PAF1: variants seen among roughly 807,000 people sequenced by gnomAD.
PAF1 encodes the protein RNA polymerase II-associated factor 1 homolog.
In PAF1, 31 loss-of-function variants were observed where a neutral mutation model predicts 68.4. That is an observed-to-expected ratio of 0.45 (90% CI 0.34 to 0.61). The LOEUF (loss-of-function observed/expected upper bound fraction) is 0.61, where lower values mean the gene tolerates loss of function less well. Among genes scored for constraint, PAF1 ranks in the 20% least tolerant of loss-of-function variants. PAF1 has a pLI of 0.01. For missense variants in PAF1, 435 were observed against 692.9 expected (o/e 0.63, Z 4.18); for synonymous variants, 256 against 240.5 (o/e 1.06, Z -0.60).
At position 39,389,020 on chromosome 19, in the gene PAF1, T is replaced by C; in HGVS notation, c.568-5A>G. On this transcript the variant is annotated splice_region_variant and splice_polypyrimidine_tract_variant and intron_variant, in intron 7 of 13. Transcript: ENST00000221265. This position sits in a 1 kb window ranked among gnomAD's most constrained non-coding sequence, Gnocchi z 5.3. ...TTTGCTGTAATGCTGTGAGATCTGG[T>C]GGAACAAAAACAAGGTGAGGAGGAG... 6.2e-7 allele frequency: 1 copy of C among 1,614,062 alleles called. No homozygotes were observed. Among genetic ancestry groups the C allele is most frequent in the Non-Finnish European group, 8.5e-7 (1 of 1,179,956 alleles).
rs898039397 is a variant in PAF1, at chr19:39,388,198, A to G, written c.986+141T>C. The G allele has an allele frequency of 7.2e-5, 58 of 802,706 alleles. No homozygotes were observed. The African/African-American group carries it at 9.0e-4, about 12-fold the overall frequency. 49.7% of individuals were successfully genotyped at this position (802,706 alleles called of 1,614,324 possible). A position where few individuals can be genotyped will look rare whatever the true frequency, so the allele number is the denominator to read the frequency against. The stretch of plus-strand genomic sequence containing the variant: ...TTAGAACCAAGTCCAGCTCATGTGC[A>G]TGACCAGACATCTGCTGCTCTTGTT... On this transcript the variant is annotated intron_variant, in intron 11 of 13. Transcript: ENST00000221265.
In PAF1 at chr19:39,389,256, T is replaced by G; in HGVS notation, c.461+26A>C. ...CTGGACACACCTAATATCTCCACCT[T>G]CCCTCTCTTCCTGTTAGTAACTTAC... On this transcript the variant is annotated intron_variant, in intron 6 of 13. Transcript: ENST00000221265. The surrounding 1 kb of genome is among the most constrained non-coding windows in gnomAD (Gnocchi z 5.3). 6.2e-7 allele frequency: 1 copy of G among 1,609,530 alleles called. No homozygotes were observed. The highest frequency in any genetic ancestry group is 1.1e-5 in the South Asian group (1 of 90,992).
At chr19:39,388,727 A>T (rs45591338) in intron 9 of PAF1, 35 bp downstream of exon 9, 27,792 of 1,607,216 alleles carry the variant, frequency 0.017, 283 homozygotes, top group Non-Finnish European at 0.02. Flanking sequence ...AGAGGCAGCA[A>T]GGAGCAGGCC....
Position 39,386,811 on chromosome 19 carries a change from G to A in PAF1, c.987-12C>T, listed in dbSNP as rs771928259. On this transcript the variant is annotated splice_polypyrimidine_tract_variant and intron_variant, in intron 11 of 13. Transcript: ENST00000221265. The surrounding 1 kb of genome is among the most constrained non-coding windows in gnomAD (Gnocchi z 6.1). ...TACTAAGGCGGACCCTGCAGGGGGT[G>A]AATTTGGGAGAGAGAAGTGGAAGAT... The A allele has an allele frequency of 2.5e-6, 4 of 1,582,770 alleles. No homozygotes were observed. Among genetic ancestry groups the A allele is most frequent in the Non-Finnish European group, 3.5e-6 (4 of 1,151,516 alleles).
At position 39,389,999 on chromosome 19, in the gene PAF1, C is replaced by G. The variant is rs544914739; in HGVS notation, c.170+70G>C. ...GTGCTAGGCCCTGAGCAGACAGCAG[C>G]CAACGAGACAAGCAGTCCCTGCCTT... is the stretch of plus-strand genomic sequence containing the variant. On this transcript the variant is annotated intron_variant, in intron 3 of 13. Coordinates refer to ENST00000221265, the MANE Select transcript of PAF1 (RefSeq NM_019088.4). This position sits in a 1 kb window ranked among gnomAD's most constrained non-coding sequence, Gnocchi z 5.3. 110 of 1,294,162 alleles carry G rather than the reference C, an allele frequency of 8.5e-5. 2 individuals are homozygous for G. In the South Asian group the frequency reaches 1.2e-3, roughly 14 times the overall value. The allele number at this position is 1,294,162 out of a possible 1,614,324, so 80.2% of individuals were successfully genotyped here.
At chr19:39,390,525 G>A (rs182834567) in intron 1 of PAF1, among the ~76,000 whole-genome samples, 1 of 152,316 alleles carries the variant, frequency 6.6e-6, no homozygotes, top group East Asian at 1.9e-4. Context: ...CCCTTTTGCA[G>A]GAGATGGCTT....
Position 39,386,112 on chromosome 19 carries a change from C to T in PAF1, c.1475G>A (p.Arg492Gln), listed in dbSNP as rs1441149706. The T allele has an allele frequency of 6.8e-6, 11 of 1,613,968 alleles. No individual in the cohort carries two copies. The highest frequency in any genetic ancestry group is 2.2e-5 in the East Asian group (1 of 44,896). Reference sequence around the variant, plus strand: ...GGCGCTGCGGCTGTGGCTCCGGCTCCGCTGGCCACCCCCATTGCTGCCGCT... The same window carrying T: ...GGCGCTGCGGCTGTGGCTCCGGCTCTGCTGGCCACCCCCATTGCTGCCGCT... ...SDSGSNGGGQRSRSHSRSASP... is the reference protein window; with the variant it reads ...SDSGSNGGGQQSRSHSRSASP... Residue 492 changes from arginine (R) to glutamine (Q), a missense_variant, in exon 14 of 14, where the codon CGG (arginine) becomes CAG (glutamine). Coordinates refer to ENST00000221265, the MANE Select transcript of PAF1 (RefSeq NM_019088.4). This position sits in a 1 kb window ranked among gnomAD's most constrained non-coding sequence, Gnocchi z 6.1.
chr19:39,388,644 A>T lies in PAF1; in HGVS notation c.773T>A (p.Val258Glu). 1 of 1,614,146 alleles carries T rather than the reference A, an allele frequency of 6.2e-7. No individual in the cohort carries two copies. Among genetic ancestry groups the T allele is most frequent in the Non-Finnish European group, 8.5e-7 (1 of 1,180,030 alleles). The change falls in exon 10 of 14, where the codon GTG becomes GAG. Residue 258 changes from valine to glutamate, a missense_variant. Transcript: ENST00000221265. ...GMMDEEGNQF[V>E]AYFLPVEETL... ...CTCTTCTACAGGCAGGAAATAGGCC[A>T]CAAACTGGTTCCCTTCCTCATCCAT...
At position 39,386,334 on chromosome 19, in the gene PAF1, C is replaced by T; in HGVS notation, c.1253G>A (p.Ser418Asn). ...GSEDEHSGSE[S>N]EREEGDRDEA... ...GTCCCTGTCACCTTCCTCCCGTTCA[C>T]TCTCGCTGCCCGAGTGCTCATCTTC... The change falls in exon 14 of 14, where the codon AGT becomes AAT. Residue 418 changes from serine to asparagine, a missense_variant. Physicochemically the swap from Ser to Asn is conservative, Grantham distance 46. Transcript: ENST00000221265. This position sits in a 1 kb window ranked among gnomAD's most constrained non-coding sequence, Gnocchi z 6.1. The T allele has an allele frequency of 6.2e-7, 1 of 1,614,202 alleles. No individual in the cohort carries two copies. Among genetic ancestry groups the T allele is most frequent in the South Asian group, 1.1e-5 (1 of 91,082 alleles).
chr19:39,385,683 A>C lies in PAF1; in HGVS notation c.*308T>G, dbSNP rs954064327. On this transcript the variant is annotated 3_prime_UTR_variant, in exon 14 of 14. Coordinates refer to ENST00000221265, the MANE Select transcript of PAF1 (RefSeq NM_019088.4). ...TGGGCTTATTTTGGAAAAAAAAAAA[A>C]CAAACAAAAAAAACGAATTCTGACC... is the stretch of plus-strand genomic sequence containing the variant. 2.1e-5 allele frequency: 11 copies of C among 535,092 alleles called. No homozygotes were observed. The highest frequency in any genetic ancestry group is 3.3e-5 in the Non-Finnish European group (10 of 305,232). 33.1% of individuals were successfully genotyped at this position (535,092 alleles called of 1,614,324 possible).
rs755885595 is a variant in PAF1, at chr19:39,388,584, T to G, written c.833A>C (p.Glu278Ala). The G allele has an allele frequency of 1.2e-6, 2 of 1,613,920 alleles. No homozygotes were observed. The highest frequency in any genetic ancestry group is 1.6e-4 in the Middle Eastern group (1 of 6,062). ...LKKRKRDQEEEMDYAPDDVYD... is the reference protein window; with the variant it reads ...LKKRKRDQEEAMDYAPDDVYD... ...CACATCATCTGGTGCATAGTCCATC[T>G]CCTCCTCCTGGTCCCGCTTTCGTTT... Residue 278 changes from glutamate to alanine, a missense_variant, in exon 10 of 14, where the codon GAG (glutamate) becomes GCG (alanine). Transcript: ENST00000221265.
At position 39,386,537 on chromosome 19, in the gene PAF1, C is replaced by G. The variant is rs768459955; in HGVS notation, c.1128G>C (p.Pro376=). 2 of 1,614,144 alleles carry G rather than the reference C, an allele frequency of 1.2e-6. No homozygotes were observed. Among genetic ancestry groups the G allele is most frequent in the South Asian group, 2.2e-5 (2 of 91,082 alleles). The change falls in exon 13 of 14, where the codon CCG becomes CCC. Residue 376 remains proline (P), a synonymous_variant. Coordinates refer to ENST00000221265, the MANE Select transcript of PAF1 (RefSeq NM_019088.4). The surrounding 1 kb of genome is among the most constrained non-coding windows in gnomAD (Gnocchi z 6.1). ...CCATCTCCTCTTCCTCTTCCTCCTC[C>G]GGTTCGTGGTTTTCTAGCTGGGCCT... The part of the protein sequence containing the change: ...ARKAQLENHE[P]EEEEEEEMET...
rs561531923 is a variant in PAF1 at position 39,385,680 on chromosome 19, A to C, written c.*311T>G. 2.2e-4 allele frequency: 119 copies of C among 537,782 alleles called. No individual in the cohort carries two copies. Among genetic ancestry groups the C allele is most frequent in the Middle Eastern group, 4.8e-4 (1 of 2,080 alleles). 33.3% of individuals were successfully genotyped at this position (537,782 alleles called of 1,614,324 possible). On this transcript the variant is annotated 3_prime_UTR_variant, in exon 14 of 14. Coordinates refer to ENST00000221265, the MANE Select transcript of PAF1 (RefSeq NM_019088.4). ...GTCTGGGCTTATTTTGGAAAAAAAA[A>C]AAACAAACAAAAAAAACGAATTCTG...
rs1189343183 is a variant in PAF1 at position 39,389,165 on chromosome 19, C to T, written c.495G>A (p.Glu165=). 4 of 1,614,162 alleles carry T rather than the reference C, an allele frequency of 2.5e-6. No homozygotes were observed. In the African/African-American group the frequency reaches 4.0e-5, roughly 16 times the overall value. The change falls in exon 7 of 14, where the codon GAG becomes GAA. Residue 165 remains glutamate, a synonymous_variant. Transcript: ENST00000221265. The surrounding 1 kb of genome is among the most constrained non-coding windows in gnomAD (Gnocchi z 5.3). ...TATCCCTGTCTTTGTATATTTCTTC[C>T]TCGGTAAACTGCTGCTTCACAGAAA... ...IGVSVKQQFT[E]EEIYKDRDSQ...
intron 11 of PAF1, chr19:39,387,032 T>A: frequency 1.7e-6 from 1 of 588,182 alleles, no homozygotes. Flanking sequence ...TGTGTGTGTG[T>A]GTTATACGGT....
Position 39,389,259 on chromosome 19 carries a change from C to T in PAF1, c.461+23G>A, listed in dbSNP as rs374370267. 37 of 1,610,858 alleles carry T rather than the reference C, an allele frequency of 2.3e-5. No homozygotes were observed. Among genetic ancestry groups the T allele is most frequent in the Non-Finnish European group, 3.0e-5 (35 of 1,177,070 alleles). ...GACACACCTAATATCTCCACCTTCC[C>T]TCTCTTCCTGTTAGTAACTTACTTG... On this transcript the variant is annotated intron_variant, in intron 6 of 13. Coordinates refer to ENST00000221265, the MANE Select transcript of PAF1 (RefSeq NM_019088.4). This position sits in a 1 kb window ranked among gnomAD's most constrained non-coding sequence, Gnocchi z 5.3.
At position 39,386,000 on chromosome 19, in the gene PAF1, G is replaced by A; in HGVS notation, c.1587C>T (p.Asp529=). 1 of 1,613,574 alleles carries A rather than the reference G, an allele frequency of 6.2e-7. No individual in the cohort carries two copies. The highest frequency in any genetic ancestry group is 8.5e-7 in the Non-Finnish European group (1 of 1,179,990). ...CTGAATGCCCTGGGACTCAGTCACT[G>A]TCACTATCAGCTTCACTGGAATCAG... ...AASDSSEADS[D]SD is the part of the protein sequence containing the mutation. Residue 529 remains aspartate (D), a synonymous_variant, in exon 14 of 14, where the codon GAC becomes GAT. Transcript: ENST00000221265.
Position 39,390,871 on chromosome 19 carries a change from G to A in PAF1, c.-7C>T. 1 of 1,579,270 alleles carries A rather than the reference G, an allele frequency of 6.3e-7. No homozygotes were observed. The highest frequency in any genetic ancestry group is 8.6e-7 in the Non-Finnish European group (1 of 1,162,414). ...TCTGGATGGTGGGCGCCATAGCGAC[G>A]AGGCGACGGCAGCCCGGACGGGGTC... On this transcript the variant is annotated 5_prime_UTR_variant, in exon 1 of 14. Transcript: ENST00000221265.
At position 39,390,057 on chromosome 19, in the gene PAF1, C is replaced by G. The variant is rs1014308725; in HGVS notation, c.170+12G>C. On this transcript the variant is annotated intron_variant, in intron 3 of 13. Coordinates refer to ENST00000221265, the MANE Select transcript of PAF1 (RefSeq NM_019088.4). ...CTCATACCTGAGTAGTTTTCCCATTCCTTAGTCTCACCTGTTCTGGTCGAA... is the reference window on the plus strand; with the variant it reads ...CTCATACCTGAGTAGTTTTCCCATTGCTTAGTCTCACCTGTTCTGGTCGAA... 2 of 1,604,864 alleles carry G rather than the reference C, an allele frequency of 1.2e-6. No individual in the cohort carries two copies. Among genetic ancestry groups the G allele is most frequent in the African/African-American group, 2.7e-5 (2 of 74,718 alleles).
Sources: allele counts gnomAD v4.1 joint callset (sites outside exome capture counted in the v4.1 genomes callset), GRCh38; gene constraint gnomAD v4.1.1; non-coding constraint Gnocchi (gnomAD v3.1); transcripts MANE v1.5; gene names NCBI Gene and HGNC (gene_info 2026-07-23, HGNC 2026-07-21).